FAM120A: variants seen among roughly 807,000 people sequenced by gnomAD.
FAM120A encodes the protein constitutive coactivator of PPAR-gamma-like protein 1.
Under a neutral mutation model 109.7 loss-of-function variants are expected in FAM120A, and 15 were observed. The observed-to-expected ratio is 0.14, with a 90% CI of 0.09 to 0.21. The LOEUF (loss-of-function observed/expected upper bound fraction) is 0.21. Among genes scored for constraint, FAM120A ranks in the 10% least tolerant of loss-of-function variants. The pLI, the probability that FAM120A is intolerant of heterozygous loss-of-function variation, is 1.00. For missense variants in FAM120A, 899 were observed against 1,439.3 expected (o/e 0.62, Z 6.07); for synonymous variants, 493 against 572.8 (o/e 0.86, Z 1.99).
chr9:93,459,259 C>T (rs956762474), intron 1 of FAM120A, among the ~76,000 whole-genome samples: 6 of 152,224 alleles, frequency 3.9e-5, no homozygotes, highest in African/African-American at 1.4e-4. Flanking sequence ...CCGTAGGCTC[C>T]TTGAGGCCAG....
At position 93,564,419 on chromosome 9, in the gene FAM120A, G is replaced by T; in HGVS notation, c.3236G>T (p.Ser1079Ile). The change falls in exon 18 of 18, where the codon AGT becomes ATT. Residue 1079 changes from serine to isoleucine, a missense_variant. By Grantham distance (142) the Ser-to-Ile change is moderately radical. Coordinates refer to ENST00000277165, the MANE Select transcript of FAM120A (RefSeq NM_014612.5). Reference protein sequence around the residue: ...GDARAPSHSESALNNDSKTCN... With the variant: ...GDARAPSHSEIALNNDSKTCN... ...GCCAGGGCCCCCAGCCACTCTGAAA[G>T]TGCCTTGAATAATGACTCTAAAACG... 6.2e-7 allele frequency: 1 copy of T among 1,614,262 alleles called. No individual in the cohort carries two copies. The highest frequency in any genetic ancestry group is 8.5e-7 in the Non-Finnish European group (1 of 1,180,048).
chr9:93,464,606 A>C (rs1857933152), intron 1 of FAM120A, among the ~76,000 whole-genome samples: 1 of 152,182 alleles, frequency 6.6e-6, no homozygotes, highest in Admixed American at 6.5e-5. Context: ...TTACAGAAGG[A>C]GTTTTAGAGT....
chr9:93,490,687 G>A (rs929528243), intron 3 of FAM120A, among the ~76,000 whole-genome samples: 1 of 152,176 alleles, frequency 6.6e-6, no homozygotes, highest in Admixed American at 6.5e-5. Context: ...ATAAATAAAT[G>A]CTTCTTTAGC....
In FAM120A at chr9:93,482,967, C is replaced by T. The variant is rs1858886560; in HGVS notation, c.804+6629C>T. Among the ~76,000 whole-genome samples the T allele has an allele frequency of 2.0e-5, 3 of 152,220 alleles. No individual in the cohort carries two copies. The South Asian group carries it at 6.2e-4, about 32-fold the overall frequency. On this transcript the variant is annotated intron_variant, in intron 3 of 17. Transcript: ENST00000277165. Reference sequence around the variant, plus strand: ...TTGTCCGAGAAGAGCTGTAGCATTTCAGGCACTTTGAGGCTTCATTGTGTG... The same window carrying T: ...TTGTCCGAGAAGAGCTGTAGCATTTTAGGCACTTTGAGGCTTCATTGTGTG...
At chr9:93,474,536 GT>G in intron 2 of FAM120A, among the ~76,000 whole-genome samples, 1 of 152,146 alleles carries the variant, frequency 6.6e-6, no homozygotes, top group African/African-American at 2.4e-5. Flanking sequence ...TAATGTTGGA[GT>G]TGCCTTAATA....
At chr9:93,545,806 T>TTTTTTTA (rs1861862654) in intron 11 of FAM120A, among the ~76,000 whole-genome samples, 1 of 116,228 alleles carries the variant, frequency 8.6e-6, no homozygotes, top group African/African-American at 3.5e-5. Flanking sequence ...TTTTTTTTTT[T>TTTTTTTA]GAGACGGAGT....
In FAM120A at chr9:93,529,598, C is replaced by T. The variant is rs1861243466; in HGVS notation, c.1734+18C>T. The T allele has an allele frequency of 2.5e-6, 4 of 1,609,254 alleles. No homozygotes were observed. The East Asian group carries it at 6.7e-5, about 27-fold the overall frequency. ...TGACGAAGGTATTATCAAAGGGGCC[C>T]TGGAGTGGCTTCTGTTATTTGATGA... is the stretch of plus-strand genomic sequence containing the variant. On this transcript the variant is annotated intron_variant, in intron 9 of 17. Coordinates refer to ENST00000277165, the MANE Select transcript of FAM120A (RefSeq NM_014612.5).
At chr9:93,515,396 C>T (rs1280522038) in intron 5 of FAM120A, among the ~76,000 whole-genome samples, 23 of 152,010 alleles carry the variant, frequency 1.5e-4, no homozygotes, top group Admixed American at 9.2e-4. Context: ...AGGAAGTACA[C>T]GAGAGCAGAA....
At chr9:93,476,595 T>C (rs1858559165) in intron 3 of FAM120A, among the ~76,000 whole-genome samples, 2 of 152,230 alleles carry the variant, frequency 1.3e-5, no homozygotes, top group South Asian at 2.1e-4. Flanking sequence ...GCTGTGTACC[T>C]AGATAGAAGG....
chr9:93,510,292 G>T (rs919147529), intron 5 of FAM120A, among the ~76,000 whole-genome samples: 1 of 152,208 alleles, frequency 6.6e-6, no homozygotes, highest in Non-Finnish European at 1.5e-5. Flanking sequence ...ATTTTGGAAG[G>T]TCATTTTTAT....
chr9:93,523,478 G>A, intron 7 of FAM120A: 1 of 362,936 alleles, frequency 2.8e-6, no homozygotes, highest in Non-Finnish European at 4.9e-6. Context: ...TTTGACACAT[G>A]GTACCATTTC....
At chr9:93,562,113 G>A (rs559584025) in intron 16 of FAM120A, 95 bp from the exon 17 acceptor site, 16 of 1,081,384 alleles carry the variant, frequency 1.5e-5, no homozygotes, top group South Asian at 1.5e-4. Flanking sequence ...TTCATAAAAC[G>A]TAAGATTGGA....
intron 7 of FAM120A, among the ~76,000 whole-genome samples, chr9:93,519,051 GCTTAGCATGAC>G (rs1349842423): frequency 6.6e-6 from 1 of 152,060 alleles, no homozygotes; most frequent in African/African-American, 2.4e-5. Flanking sequence ...TCCAGAGTGT[GCTTAGCATGAC>G]CTTAGGCTGG....
At chr9:93,523,260 T>A (rs1860919125) in intron 7 of FAM120A, 3 of 1,263,254 alleles carry the variant, frequency 2.4e-6, no homozygotes, top group African/African-American at 1.5e-5. Flanking sequence ...TGGTGTTGAA[T>A]GTTTTTCTTG....
At chr9:93,454,436 G>A (rs751957127) in intron 1 of FAM120A, among the ~76,000 whole-genome samples, 41 of 151,844 alleles carry the variant, frequency 2.7e-4, no homozygotes, top group Non-Finnish European at 4.6e-4. Flanking sequence ...GTGTAGGGGG[G>A]TGCTTTTGCT....
chr9:93,537,791 A>G (rs1861570694), intron 10 of FAM120A, among the ~76,000 whole-genome samples: 1 of 152,266 alleles, frequency 6.6e-6, no homozygotes, highest in African/African-American at 2.4e-5. Context: ...AGAATAATCA[A>G]TATTATGGTG....
intron 7 of FAM120A, 89 bp downstream of exon 7, chr9:93,516,358 G>C (rs1446127865): frequency 1.3e-6 from 2 of 1,563,864 alleles, no homozygotes; most frequent in African/African-American, 2.7e-5. Context: ...CTGGTGTTTT[G>C]CTCAGAGATG....
intron 3 of FAM120A, among the ~76,000 whole-genome samples, chr9:93,480,804 G>A (rs886143762): frequency 5.3e-5 from 8 of 152,156 alleles, no homozygotes; most frequent in African/African-American, 1.9e-4. Context: ...AGGAAGATTT[G>A]TGATTGTATT....
At chr9:93,480,246 T>C (rs1187471439) in intron 3 of FAM120A, among the ~76,000 whole-genome samples, 2 of 152,206 alleles carry the variant, frequency 1.3e-5, no homozygotes, top group African/African-American at 4.8e-5. Flanking sequence ...ATGTAACATG[T>C]AAAATTGTAG....
Sources: gnomAD v4.1 joint callset for allele counts (sites outside exome capture counted in the v4.1 genomes callset) on GRCh38, gnomAD v4.1.1 for gene constraint, MANE v1.5 for transcripts, NCBI Gene and HGNC (gene_info 2026-07-23, HGNC 2026-07-21) for gene names.